SLC30A6: variants seen among roughly 807,000 people sequenced by gnomAD.
SLC30A6 encodes the protein solute carrier family 30 member 6.
A neutral mutation model predicts 63.0 loss-of-function variants in SLC30A6; 55 were observed. The ratio of observed to expected loss-of-function variants is 0.87; its 90% CI spans 0.70 to 1.09. The LOEUF (loss-of-function observed/expected upper bound fraction) is 1.09, where lower values mean the gene tolerates loss of function less well. SLC30A6 is among the 50% of genes least tolerant of loss of function. The pLI is 0.00. For missense variants in SLC30A6, 587 were observed against 549.2 expected, an observed-to-expected ratio of 1.07 and a Z score of -0.69; for synonymous variants, 224 against 186.1, an observed-to-expected ratio of 1.20 and a Z score of -1.66.
chr2:32,176,019 T>C (rs1390500730), intron 4 of SLC30A6, among the ~76,000 whole-genome samples: 2 of 152,134 alleles, frequency 1.3e-5, no homozygotes, highest in African/African-American at 4.8e-5. Context: ...TTAAAAACTC[T>C]AGGTAGCAAA....
intron 13 of SLC30A6, among the ~76,000 whole-genome samples, chr2:32,218,257 C>T (rs960248439): frequency 6.6e-6 from 1 of 151,956 alleles, no homozygotes; most frequent in African/African-American, 2.4e-5. Flanking sequence ...CTCATCTCTA[C>T]AAAGAAAACA....
intron 1 of SLC30A6, among the ~76,000 whole-genome samples, chr2:32,169,264 G>A (rs1199767965): frequency 6.6e-6 from 1 of 152,050 alleles, no homozygotes; most frequent in African/African-American, 2.4e-5. Context: ...GACTTCCCGG[G>A]CTCATGCGAT....
chr2:32,187,378 CTG>C (rs759251521), intron 5 of SLC30A6: 243 of 394,296 alleles, frequency 6.2e-4, no homozygotes, highest in Non-Finnish European at 7.3e-4. Flanking sequence ...TGAGAAAGAA[CTG>C]TTGCTTGGGC....
intron 11 of SLC30A6, among the ~76,000 whole-genome samples, chr2:32,205,662 C>CTTTTTT (rs745414068): frequency 2.2e-4 from 19 of 87,222 alleles, no homozygotes; most frequent in African/African-American, 2.6e-4. Context: ...AATGTTACTT[C>CTTTTTT]TTTTTTTTTT....
chr2:32,201,031 C>G (rs1267035365), intron 10 of SLC30A6, among the ~76,000 whole-genome samples: 1 of 152,148 alleles, frequency 6.6e-6, no homozygotes, highest in East Asian at 1.9e-4. Context: ...ACTTGCCTAT[C>G]TTTGAAGTCT....
At chr2:32,210,511 T>C (rs1483479435) in intron 13 of SLC30A6, among the ~76,000 whole-genome samples, 2 of 77,798 alleles carry the variant, frequency 2.6e-5, no homozygotes, top group African/African-American at 1.1e-4. Flanking sequence ...TGAGACTCTG[T>C]CTCCAAAAAA....
chr2:32,167,544 A>C (rs1680795658), intron 1 of SLC30A6, among the ~76,000 whole-genome samples: 1 of 151,980 alleles, frequency 6.6e-6, no homozygotes. Context: ...GGCTGTCCTT[A>C]TCAGAATAAC....
intron 4 of SLC30A6, among the ~76,000 whole-genome samples, chr2:32,183,685 C>G (rs1473874267): frequency 1.1e-5 from 1 of 93,560 alleles, no homozygotes; most frequent in Non-Finnish European, 2.2e-5. Flanking sequence ...GAGACTCTGT[C>G]TCAAAAAAAA....
chr2:32,167,078 T>G (rs1478279801), intron 1 of SLC30A6, among the ~76,000 whole-genome samples: 4 of 152,140 alleles, frequency 2.6e-5, no homozygotes, highest in African/African-American at 9.7e-5. Flanking sequence ...AGCCTCTTTT[T>G]TTGTTGTTGT....
intron 13 of SLC30A6, among the ~76,000 whole-genome samples, chr2:32,210,366 C>T (rs1229760750): frequency 6.6e-6 from 1 of 151,844 alleles, no homozygotes. Flanking sequence ...ACAAAATTAG[C>T]TGGGCGTGGG....
Position 32,220,257 on chromosome 2 carries a change from A to G in SLC30A6, c.930A>G (p.Gln310=), listed in dbSNP as rs368073848. Residue 310 remains glutamine, a synonymous_variant, in exon 14 of 14, where the codon CAA becomes CAG. Transcript: ENST00000282587. The stretch of plus-strand genomic sequence containing the variant: ...GAATTCGACGAGATGCCAATGAACA[A>G]ATGGTTCTTGCTCATGTGACCAACA... ...HVRIRRDANE[Q]MVLAHVTNRL... 3.2e-4 allele frequency: 513 copies of G among 1,614,154 alleles called. 11 individuals carry two copies. In the South Asian group the frequency reaches 5.5e-3, roughly 17 times the overall value.
At chr2:32,203,572 C>G in intron 10 of SLC30A6, 2 of 1,600,626 alleles carry the variant, frequency 1.2e-6, no homozygotes, top group Non-Finnish European at 1.7e-6. Flanking sequence ...GACCATGACT[C>G]TGGAAAGCCT....
rs1686184127 is a variant in SLC30A6 at position 32,222,304 on chromosome 2, G to T, written c.*1591G>T. ...GCATTCCATAACAGTTTTAAAATGGGATTTTGAGAATGGACTTAACTTTCC... is the reference window on the plus strand; with the variant it reads ...GCATTCCATAACAGTTTTAAAATGGTATTTTGAGAATGGACTTAACTTTCC... On this transcript the variant is annotated 3_prime_UTR_variant, in exon 14 of 14. Coordinates refer to ENST00000282587, the MANE Select transcript of SLC30A6 (RefSeq NM_017964.5). 1 of 152,130 alleles carries T rather than the reference G, an allele frequency of 6.6e-6. No homozygotes were observed. The highest frequency in any genetic ancestry group is 2.4e-5 in the African/African-American group (1 of 41,440). 9.4% of individuals were successfully genotyped at this position (152,130 alleles called of 1,614,324 possible).
intron 10 of SLC30A6, chr2:32,203,485 G>C: frequency 1.2e-6 from 2 of 1,604,052 alleles, no homozygotes; most frequent in Non-Finnish European, 1.7e-6. Context: ...TGGATGCATT[G>C]GCTGCAGCTT....
intron 8 of SLC30A6, among the ~76,000 whole-genome samples, chr2:32,197,121 C>A (rs1289505243): frequency 4.6e-5 from 7 of 152,134 alleles, no homozygotes; most frequent in Non-Finnish European, 7.4e-5. Flanking sequence ...GACATAAATT[C>A]CTTCAGGTCA....
At chr2:32,210,095 A>G (rs1685120739) in intron 13 of SLC30A6, among the ~76,000 whole-genome samples, 1 of 152,220 alleles carries the variant, frequency 6.6e-6, no homozygotes, top group African/African-American at 2.4e-5. Context: ...TTATTATGAC[A>G]CGGTTTTACT....
intron 2 of SLC30A6, 48 bp downstream of exon 2, chr2:32,171,421 A>G: frequency 7.0e-7 from 1 of 1,419,226 alleles, no homozygotes; most frequent in East Asian, 2.3e-5. Flanking sequence ...AAACAACATT[A>G]TAACATTGAA....
intron 5 of SLC30A6, 122 bp from the exon 6 acceptor site, chr2:32,192,214 G>A: frequency 1.3e-6 from 1 of 773,048 alleles, no homozygotes; most frequent in Non-Finnish European, 2.2e-6. Flanking sequence ...ACAGTGTTGG[G>A]CTCATAGTAG....
At chr2:32,213,148 C>G (rs554993909) in intron 13 of SLC30A6, among the ~76,000 whole-genome samples, 1 of 151,482 alleles carries the variant, frequency 6.6e-6, no homozygotes, top group Admixed American at 6.6e-5. Context: ...CTTAAGCACT[C>G]CTACTGCCTT....
Sources: allele counts gnomAD v4.1 joint callset (sites outside exome capture counted in the v4.1 genomes callset), GRCh38; gene constraint gnomAD v4.1.1; transcripts MANE v1.5; gene names NCBI Gene and HGNC (gene_info 2026-07-23, HGNC 2026-07-21).